The following LGALS9 variants were observed in gnomAD, a reference collection of about 807,000 sequenced individuals.
LGALS9 encodes galectin 9, also known as galectin-9.
LGALS9 carries 26 observed loss-of-function variants against 35.9 expected under a neutral mutation model. The ratio of observed to expected loss-of-function variants is 0.72; its 90% CI spans 0.53 to 1.01. The LOEUF (loss-of-function observed/expected upper bound fraction) is 1.01. Among genes scored for constraint, LGALS9 ranks in the 50% least tolerant of loss-of-function variants. LGALS9 has a pLI of 0.00. For synonymous variants in LGALS9, 149 were observed against 172.2 expected (o/e 0.87, Z 1.06); for missense variants, 347 against 445.8 (o/e 0.78, Z 1.99).
rs370061789 is a variant in LGALS9, at chr17:27,647,440, A to G, written c.921+8A>G. The G allele has an allele frequency of 6.2e-6, 10 of 1,614,094 alleles. No homozygotes were observed. Among genetic ancestry groups the G allele is most frequent in the Admixed American group, 3.3e-5 (2 of 60,020 alleles). On this transcript the variant is annotated splice_region_variant and intron_variant, in intron 10 of 10. Coordinates refer to ENST00000395473, the MANE Select transcript of LGALS9 (RefSeq NM_009587.3). ...CGTGGCCAGAGCTTCTCAGTAAGGC[A>G]CCGCAGTCTGGAGCTTGGAGAGGCT...
intron 1 of LGALS9, among the ~76,000 whole-genome samples, chr17:27,633,525 G>A (rs1029006840): frequency 2.0e-5 from 3 of 152,186 alleles, no homozygotes; most frequent in Non-Finnish European, 4.4e-5. Flanking sequence ...CTTCGGGGTC[G>A]GGCCTGGGTG....
chr17:27,633,364 A>G (rs1407960542), intron 1 of LGALS9, among the ~76,000 whole-genome samples: 2 of 152,226 alleles, frequency 1.3e-5, no homozygotes, highest in African/African-American at 2.4e-5. Context: ...TTGTTCTTAC[A>G]GTGTTGGAGG....
intron 3 of LGALS9, among the ~76,000 whole-genome samples, chr17:27,642,037 C>G (rs2151294347): frequency 6.6e-6 from 1 of 152,186 alleles, no homozygotes; most frequent in Non-Finnish European, 1.5e-5. Context: ...AGGAAACAAC[C>G]AGAAGAACGA....
intron 10 of LGALS9, among the ~76,000 whole-genome samples, chr17:27,647,963 C>A (rs1031497683): frequency 1.3e-5 from 2 of 152,244 alleles, no homozygotes; most frequent in African/African-American, 4.8e-5. Context: ...CAGCTAGGGC[C>A]AACGTGCAGA....
intron 1 of LGALS9, among the ~76,000 whole-genome samples, chr17:27,632,466 C>T (rs1430568973): frequency 1.3e-5 from 2 of 152,180 alleles, no homozygotes; most frequent in African/African-American, 4.8e-5. Flanking sequence ...GGCCTGTTTC[C>T]TCCTGGCTGT....
chr17:27,638,937 T>G (rs1476331269), intron 2 of LGALS9, among the ~76,000 whole-genome samples: 4 of 151,898 alleles, frequency 2.6e-5, no homozygotes, highest in East Asian at 3.9e-4. Context: ...AGACCCTCAC[T>G]CAGGCCTGGC....
chr17:27,632,885 C>T (rs1344063873), intron 1 of LGALS9, among the ~76,000 whole-genome samples: 6 of 152,208 alleles, frequency 3.9e-5, no homozygotes, highest in Admixed American at 2.6e-4. Flanking sequence ...GTCGGAGCCA[C>T]GCTTCCTCCA....
intron 5 of LGALS9, 72 bp from the exon 6 acceptor site, chr17:27,645,242 G>A (rs1904844635): frequency 6.2e-7 from 1 of 1,612,778 alleles, no homozygotes; most frequent in Non-Finnish European, 8.5e-7. Flanking sequence ...CCTCCCTGGA[G>A]TTTTGCCACC....
intron 1 of LGALS9, 100 bp downstream of exon 1, chr17:27,631,404 G>A (rs2074391727): frequency 6.7e-7 from 1 of 1,493,242 alleles, no homozygotes; most frequent in African/African-American, 1.4e-5. Context: ...ATGGGGGTGG[G>A]GGCATCCCAA....
rs188740952 is a variant in LGALS9, at chr17:27,635,332, C to T, written c.40-2931C>T. Among the ~76,000 whole-genome samples, 196 of 151,944 alleles carry T rather than the reference C, an allele frequency of 1.3e-3. 1 individual carries two copies. Among genetic ancestry groups the T allele is most frequent in the African/African-American group, 4.3e-3 (178 of 41,432 alleles). On this transcript the variant is annotated intron_variant, in intron 1 of 10. Coordinates refer to ENST00000395473, the MANE Select transcript of LGALS9 (RefSeq NM_009587.3). ...CTGCACCTATTTTGTCCCAGCTATT[C>T]GGGAGGTTGAGGCGGGAGGATTACT...
At chr17:27,631,367 G>A in intron 1 of LGALS9, 63 bp downstream of exon 1, 1 of 1,610,838 alleles carries the variant, frequency 6.2e-7, no homozygotes, top group Non-Finnish European at 8.5e-7. Flanking sequence ...CTGGGGCTCT[G>A]AGGAAGCAAC....
Position 27,643,768 on chromosome 17 carries a change from C to G in LGALS9, c.540+148C>G, listed in dbSNP as rs555360211. On this transcript the variant is annotated intron_variant, in intron 5 of 10. Coordinates refer to ENST00000395473, the MANE Select transcript of LGALS9 (RefSeq NM_009587.3). ...GTTCCCTGTCTCTGTCCGCTGGGCA[C>G]CCAGAGCTGGGGACCTGGGGGTCAC... 28 of 1,332,874 alleles carry G rather than the reference C, an allele frequency of 2.1e-5. No homozygotes were observed. The East Asian group carries it at 7.2e-4, about 34-fold the overall frequency. The allele number at this position is 1,332,874 out of a possible 1,614,324, so 82.6% of individuals were successfully genotyped here.
intron 1 of LGALS9, among the ~76,000 whole-genome samples, chr17:27,634,297 C>T (rs1009487539): frequency 6.6e-6 from 1 of 152,172 alleles, no homozygotes; most frequent in African/African-American, 2.4e-5. Flanking sequence ...GCCTATAATC[C>T]CAGCACTTTG....
At chr17:27,641,038 T>C (rs1211841308) in intron 3 of LGALS9, 1 of 671,594 alleles carries the variant, frequency 1.5e-6, no homozygotes, top group Admixed American at 2.1e-5. Flanking sequence ...GTGTTGTGTG[T>C]CTTTGAATTC....
intron 3 of LGALS9, 125 bp downstream of exon 3, chr17:27,640,898 T>G: frequency 7.0e-7 from 1 of 1,422,504 alleles, no homozygotes; most frequent in Non-Finnish European, 9.7e-7. Flanking sequence ...GATAACACGC[T>G]CATTTCCTTG....
chr17:27,642,683 T>G (rs998493967), intron 4 of LGALS9, among the ~76,000 whole-genome samples: 1 of 151,942 alleles, frequency 6.6e-6, no homozygotes, highest in Non-Finnish European at 1.5e-5. Context: ...CAGTTCAAAT[T>G]CCCAGCTCTG....
rs1339879409 is a variant in LGALS9, at chr17:27,642,356, T to C, written c.444+8T>C. On this transcript the variant is annotated splice_region_variant and intron_variant, in intron 4 of 10. Transcript: ENST00000395473. Reference sequence around the variant, plus strand: ...TCCTACATCAGCTTCCAGGTCAGACTGTCCACCTGGCACCGGTCCCAGGGG... The same window carrying C: ...TCCTACATCAGCTTCCAGGTCAGACCGTCCACCTGGCACCGGTCCCAGGGG... The C allele has an allele frequency of 3.7e-6, 6 of 1,611,754 alleles. No homozygotes were observed. Among genetic ancestry groups the C allele is most frequent in the Non-Finnish European group, 5.1e-6 (6 of 1,179,822 alleles).
chr17:27,647,169 A>T, intron 9 of LGALS9, 51 bp downstream of exon 9: 1 of 1,614,126 alleles, frequency 6.2e-7, no homozygotes, highest in Non-Finnish European at 8.5e-7. Context: ...CTTCAAGGTC[A>T]GTCCAGCCAT....
intron 7 of LGALS9, among the ~76,000 whole-genome samples, chr17:27,646,255 C>G (rs1475434696): frequency 6.6e-6 from 1 of 152,066 alleles, no homozygotes; most frequent in African/African-American, 2.4e-5. Context: ...CACTATTGAT[C>G]ACAGGCTTAA....
Sources: allele counts gnomAD v4.1 joint callset (sites outside exome capture counted in the v4.1 genomes callset), GRCh38; gene constraint gnomAD v4.1.1; transcripts MANE v1.5; gene names NCBI Gene and HGNC (gene_info 2026-07-23, HGNC 2026-07-21).